Variants in WNT5B observed in about 807,000 individuals in gnomAD.
The protein encoded by WNT5B is Wnt family member 5B, also known as protein Wnt-5b.
In WNT5B, 18 loss-of-function variants were observed where a neutral mutation model predicts 36.5. The observed-to-expected ratio is 0.49, with a 90% CI of 0.34 to 0.73. WNT5B has a LOEUF of 0.73. Among genes scored for constraint, WNT5B ranks in the 30% least tolerant of loss-of-function variants. The pLI, the probability that WNT5B is intolerant of heterozygous loss-of-function variation, is 0.01. For synonymous variants in WNT5B, 213 were observed against 212.3 expected, an observed-to-expected ratio of 1.00 and a Z score of -0.03; for missense variants, 424 against 508.4, an observed-to-expected ratio of 0.83 and a Z score of 1.60.
chr12:1,627,685 A>G (rs2094543112), upstream of WNT5B, among the ~76,000 whole-genome samples: 1 of 152,158 alleles, frequency 6.6e-6, no homozygotes, highest in South Asian at 2.1e-4. This position sits in a 1 kb window ranked among gnomAD's most constrained non-coding sequence, Gnocchi z 5.0. Context: ...GGACAGTGCC[A>G]TCTCAGCAGG....
At position 1,646,015 on chromosome 12, in the gene WNT5B, G is replaced by C. The variant is rs145439467; in HGVS notation, c.843G>C (p.Val281=). The change falls in exon 5 of 5, where the codon GTG becomes GTC. Residue 281 remains valine, a synonymous_variant. Transcript: ENST00000397196. ...TQPTPEDLVY[V]DPSPDYCLRN... is the part of the protein sequence containing the mutation. ...CCACCCCGGAGGACCTGGTCTATGT[G>C]GACCCCAGCCCCGACTACTGCCTGC... 6.2e-7 allele frequency: 1 copy of C among 1,612,468 alleles called. No homozygotes were observed. The highest frequency in any genetic ancestry group is 8.5e-7 in the Non-Finnish European group (1 of 1,179,966).
chr12:1,620,599 C>T (rs1046323398), intron 1 of WNT5B, among the ~76,000 whole-genome samples: 14 of 151,174 alleles, frequency 9.3e-5, no homozygotes, highest in African/African-American at 3.4e-4. Flanking sequence ...AGTGCAATGG[C>T]GCGACCTTGG....
chr12:1,639,076 C>T (rs1384871569), intron 3 of WNT5B, among the ~76,000 whole-genome samples: 3 of 152,134 alleles, frequency 2.0e-5, no homozygotes, highest in Admixed American at 2.0e-4. Flanking sequence ...CTGCAGGTCA[C>T]ACAGGCTCTT....
chr12:1,630,315 G>A lies in WNT5B; in HGVS notation c.-58+944G>A. On this transcript the variant is annotated intron_variant, in intron 1 of 4. Coordinates refer to ENST00000397196, the MANE Select transcript of WNT5B (RefSeq NM_032642.3). This position sits in a 1 kb window ranked among gnomAD's most constrained non-coding sequence, Gnocchi z 5.3. Reference sequence around the variant, plus strand: ...CGCGGGGGAGCCGCAGGGGCCGTGTGTCCCGAGGCGCAGGCTCGCTCTAGC... The same window carrying A: ...CGCGGGGGAGCCGCAGGGGCCGTGTATCCCGAGGCGCAGGCTCGCTCTAGC... The A allele has an allele frequency of 1.2e-6, 1 of 840,604 alleles. No homozygotes were observed. Among genetic ancestry groups the A allele is most frequent in the Non-Finnish European group, 1.4e-6 (1 of 697,654 alleles). The allele number at this position is 840,604 out of a possible 1,614,324, so 52.1% of individuals were successfully genotyped here. A position where few individuals can be genotyped will look rare whatever the true frequency, so the allele number is the denominator to read the frequency against.
At chr12:1,636,337 G>A (rs1189305981) in intron 3 of WNT5B, among the ~76,000 whole-genome samples, 3 of 150,858 alleles carry the variant, frequency 2.0e-5, no homozygotes, top group Non-Finnish European at 3.0e-5. Flanking sequence ...GTCACTCTGC[G>A]TACCCCAACC....
chr12:1,641,257 G>A (rs2094574539), intron 4 of WNT5B, among the ~76,000 whole-genome samples: 1 of 151,890 alleles, frequency 6.6e-6, no homozygotes. Context: ...TTGGTGGCAG[G>A]CACCTGTAAT....
In WNT5B at chr12:1,630,221, C is replaced by T. The variant is rs949390034; in HGVS notation, c.-58+850C>T. ...GAGCCGGGGCGCGCGGGGCTGCGCT[C>T]GTCAGGTCCGGGGCCCCGGGGAGGC... On this transcript the variant is annotated intron_variant, in intron 1 of 4. Transcript: ENST00000397196. This position sits in a 1 kb window ranked among gnomAD's most constrained non-coding sequence, Gnocchi z 5.3. 7.1e-6 allele frequency: 7 copies of T among 985,194 alleles called. No individual in the cohort carries two copies. In the South Asian group the frequency reaches 1.4e-4, roughly 20 times the overall value. The allele number at this position is 985,194 out of a possible 1,614,324, so 61.0% of individuals were successfully genotyped here.
Position 1,630,399 on chromosome 12 carries a change from A to G in WNT5B, c.-57-899A>G, listed in dbSNP as rs1020713644. On this transcript the variant is annotated intron_variant, in intron 1 of 4. Transcript: ENST00000397196. The surrounding 1 kb of genome is among the most constrained non-coding windows in gnomAD (Gnocchi z 5.3). The stretch of plus-strand genomic sequence containing the variant: ...GACAGGGGCTCTCGGGGGCGGATAG[A>G]GGAACAGGCGTGGGTTACAGCAGGC... Among the ~76,000 whole-genome samples, 1 of 151,868 alleles carries G rather than the reference A, an allele frequency of 6.6e-6. No individual in the cohort carries two copies. Among genetic ancestry groups the G allele is most frequent in the Non-Finnish European group, 1.5e-5 (1 of 67,944 alleles).
chr12:1,645,241 T>G (rs965866659), intron 4 of WNT5B, among the ~76,000 whole-genome samples: 1 of 152,160 alleles, frequency 6.6e-6, no homozygotes, highest in Non-Finnish European at 1.5e-5. Flanking sequence ...TTTTGTTTTG[T>G]TTTGCTTTGT....
At chr12:1,620,325 A>G (rs1157831370) in intron 1 of WNT5B, among the ~76,000 whole-genome samples, 1 of 152,186 alleles carries the variant, frequency 6.6e-6, no homozygotes. Context: ...TATGAATGGA[A>G]CCATAGTTCA....
upstream of WNT5B, among the ~76,000 whole-genome samples, chr12:1,626,112 C>A (rs542171882): frequency 2.6e-5 from 4 of 151,268 alleles, no homozygotes; most frequent in Non-Finnish European, 4.4e-5. Flanking sequence ...CCAGGCACCA[C>A]CATGCTCGGC....
In WNT5B at chr12:1,646,051, C is replaced by T. The variant is rs141143754; in HGVS notation, c.879C>T (p.Ser293=). 1.9e-6 allele frequency: 3 copies of T among 1,613,366 alleles called. No homozygotes were observed. The highest frequency in any genetic ancestry group is 2.7e-5 in the African/African-American group (2 of 74,956). ...CCGACTACTGCCTGCGCAACGAGAG[C>T]ACGGGCTCCCTGGGCACGCAGGGCC... ...PSPDYCLRNE[S]TGSLGTQGRL... The change falls in exon 5 of 5, where the codon AGC becomes AGT. Residue 293 remains serine (S), a synonymous_variant. Transcript: ENST00000397196.
At chr12:1,637,965 C>A (rs1189523759) in intron 3 of WNT5B, among the ~76,000 whole-genome samples, 18 of 152,098 alleles carry the variant, frequency 1.2e-4, no homozygotes. Context: ...AAACGCAACA[C>A]CGGCCAGGCA....
Position 1,639,923 on chromosome 12 carries a change from G to A in WNT5B, c.568G>A (p.Glu190Lys). 1 of 1,614,072 alleles carries A rather than the reference G, an allele frequency of 6.2e-7. No homozygotes were observed. The highest frequency in any genetic ancestry group is 8.5e-7 in the Non-Finnish European group (1 of 1,179,970). Reference protein sequence around the residue: ...EREKNFAKGSEEQGRVLMNLQ... With the variant: ...EREKNFAKGSKEQGRVLMNLQ... ...AGAGAAGAACTTTGCCAAAGGATCA[G>A]AGGAGCAGGGCCGGGTGCTCATGAA... Residue 190 changes from glutamate to lysine, a missense_variant, in exon 4 of 5, where the codon GAG (glutamate) becomes AAG (lysine). Physicochemically the swap from Glu to Lys is moderately conservative, Grantham distance 56. Coordinates refer to ENST00000397196, the MANE Select transcript of WNT5B (RefSeq NM_032642.3).
At chr12:1,645,166 G>A (rs1279330636) in intron 4 of WNT5B, 2 of 152,386 alleles carry the variant, frequency 1.3e-5, no homozygotes, top group African/African-American at 4.8e-5. Flanking sequence ...ATAGGCTTGT[G>A]ATACAATTGG....
rs574737596 is a variant in WNT5B at position 1,630,210 on chromosome 12, G to C, written c.-58+839G>C. On this transcript the variant is annotated intron_variant, in intron 1 of 4. Transcript: ENST00000397196. This position sits in a 1 kb window ranked among gnomAD's most constrained non-coding sequence, Gnocchi z 5.3. Reference sequence around the variant, plus strand: ...AGTGGCGCAGTGAGCCGGGGCGCGCGGGGCTGCGCTCGTCAGGTCCGGGGC... The same window carrying C: ...AGTGGCGCAGTGAGCCGGGGCGCGCCGGGCTGCGCTCGTCAGGTCCGGGGC... The C allele has an allele frequency of 1.1e-4, 108 of 985,326 alleles. 1 individual carries two copies. The African/African-American group carries it at 1.7e-3, about 15-fold the overall frequency. 61.0% of individuals were successfully genotyped at this position (985,326 alleles called of 1,614,324 possible).
Position 1,618,429 on chromosome 12 carries a change from G to A in WNT5B, c.-58+1286G>A, listed in dbSNP as rs985528191. ...CACAAATAAATGTTTTTCCCCTATAGTACAATACCCCAGAACTCTAGATCT... is the reference window on the plus strand; with the variant it reads ...CACAAATAAATGTTTTTCCCCTATAATACAATACCCCAGAACTCTAGATCT... On this transcript the variant is annotated intron_variant, in intron 1 of 4. Coordinates refer to the WNT5B transcript ENST00000310594. The surrounding 1 kb of genome is among the most constrained non-coding windows in gnomAD (Gnocchi z 4.1). Among the ~76,000 whole-genome samples, 3 of 152,036 alleles carry A rather than the reference G, an allele frequency of 2.0e-5. No individual in the cohort carries two copies. Among genetic ancestry groups the A allele is most frequent in the African/African-American group, 7.3e-5 (3 of 41,378 alleles).
chr12:1,622,314 G>A (rs2094535119), intron 1 of WNT5B, among the ~76,000 whole-genome samples: 1 of 152,064 alleles, frequency 6.6e-6, no homozygotes, highest in Non-Finnish European at 1.5e-5. Flanking sequence ...TTCTTATAGT[G>A]TACTTTTCTG....
At chr12:1,639,465 G>A (rs1397644908) in intron 3 of WNT5B, among the ~76,000 whole-genome samples, 1 of 152,062 alleles carries the variant, frequency 6.6e-6, no homozygotes, top group Non-Finnish European at 1.5e-5. Context: ...GGGTGGTTTC[G>A]CAGGGCTGAG....
Sources: gnomAD v4.1 joint callset for allele counts (sites outside exome capture counted in the v4.1 genomes callset) on GRCh38, gnomAD v4.1.1 for gene constraint, Gnocchi (gnomAD v3.1) non-coding constraint, MANE v1.5 for transcripts, NCBI Gene and HGNC (gene_info 2026-07-23, HGNC 2026-07-21) for gene names.